ARK2C: variants seen among roughly 807,000 people sequenced by gnomAD.
The protein encoded by ARK2C is arkadia (RNF111) C-terminal like ring finger ubiquitin ligase 2C.
chr18:46,342,109 C>T, the ARK2C span, among the ~76,000 whole-genome samples: 1 of 152,158 alleles, frequency 6.6e-6, no homozygotes. Context: ...CTTATTTCCT[C>T]CTTGGCACAG....
chr18:46,420,845 TA>T, the ARK2C span, among the ~76,000 whole-genome samples: 172 of 145,658 alleles, frequency 1.2e-3, no homozygotes, highest in African/African-American at 2.7e-3. Context: ...GACTCCATCT[TA>T]AAAAAAAAAA....
the ARK2C span, among the ~76,000 whole-genome samples, chr18:46,383,655 T>C: frequency 0.52 from 77,821 of 150,340 alleles, 20,328 homozygotes; most frequent in Admixed American, 0.6. Context: ...CCAGGGTTCA[T>C]GCCATTCTCC....
At chr18:46,421,362 G>A in the ARK2C span, among the ~76,000 whole-genome samples, 2 of 147,220 alleles carry the variant, frequency 1.4e-5, no homozygotes, top group South Asian at 2.1e-4. Context: ...TCACCTGTTC[G>A]TGATCATTCA....
the ARK2C span, among the ~76,000 whole-genome samples, chr18:46,453,366 G>A: frequency 6.6e-6 from 1 of 152,162 alleles, no homozygotes; most frequent in African/African-American, 2.4e-5. Flanking sequence ...CCGGACCAGG[G>A]AGTGTTTACT....
At chr18:46,341,679 G>A in the ARK2C span, among the ~76,000 whole-genome samples, 1 of 152,172 alleles carries the variant, frequency 6.6e-6, no homozygotes, top group Non-Finnish European at 1.5e-5. Context: ...ATACTCACAT[G>A]ACTTGTCCCC....
chr18:46,424,559 C>A, the ARK2C span, among the ~76,000 whole-genome samples: 1 of 152,200 alleles, frequency 6.6e-6, no homozygotes, highest in Non-Finnish European at 1.5e-5. Flanking sequence ...AGCTCTAGGA[C>A]CCTGGCGGCG....
At chr18:46,438,668 A>T in the ARK2C span, among the ~76,000 whole-genome samples, 1 of 152,190 alleles carries the variant, frequency 6.6e-6, no homozygotes. Flanking sequence ...TGAATAAGGC[A>T]CTGTCCTTCT....
chr18:46,446,670 CAAAAAAAAA>C, the ARK2C span, among the ~76,000 whole-genome samples: 1 of 34,396 alleles, frequency 2.9e-5, no homozygotes, highest in African/African-American at 1.2e-4. Context: ...GACTCCATCT[CAAAAAAAAA>C]AAAAAAAAAA....
the ARK2C span, among the ~76,000 whole-genome samples, chr18:46,436,523 G>A: frequency 1.8e-4 from 28 of 152,270 alleles, no homozygotes; most frequent in Non-Finnish European, 4.0e-4. Flanking sequence ...TTGATGTGCC[G>A]TTGTGTCATT....
At chr18:46,456,844 C>T in the ARK2C span, 3 of 545,818 alleles carry the variant, frequency 5.5e-6, no homozygotes, top group Non-Finnish European at 9.9e-6. Flanking sequence ...CGACTGTCCC[C>T]ATCCGCCTGG....
the ARK2C span, among the ~76,000 whole-genome samples, chr18:46,432,971 A>T: frequency 6.0e-5 from 8 of 134,312 alleles, no homozygotes; most frequent in South Asian, 2.2e-4. Flanking sequence ...AATAAATAAA[A>T]AATAAAGATA....
chr18:46,431,920 T>C, the ARK2C span, among the ~76,000 whole-genome samples: 3 of 152,368 alleles, frequency 2.0e-5, no homozygotes, highest in Middle Eastern at 3.4e-3. Flanking sequence ...GTGCTTGGTG[T>C]TCAATTTCTC....
the ARK2C span, among the ~76,000 whole-genome samples, chr18:46,392,765 C>G: frequency 6.6e-6 from 1 of 152,144 alleles, no homozygotes; most frequent in African/African-American, 2.4e-5. Context: ...CGCCAGGTAC[C>G]CAGCCCGGAC....
chr18:46,396,124 GC>G, the ARK2C span, among the ~76,000 whole-genome samples: 1 of 152,198 alleles, frequency 6.6e-6, no homozygotes, highest in African/African-American at 2.4e-5. Flanking sequence ...ACCCTTTGGG[GC>G]TTAGGCTTGG....
chr18:46,411,955 T>C, the ARK2C span, among the ~76,000 whole-genome samples: 1 of 152,214 alleles, frequency 6.6e-6, no homozygotes, highest in Non-Finnish European at 1.5e-5. Context: ...GGGTCGATGA[T>C]GCCAGGCTCC....
the ARK2C span, among the ~76,000 whole-genome samples, chr18:46,399,421 C>A: frequency 1.3e-5 from 2 of 152,218 alleles, no homozygotes; most frequent in African/African-American, 4.8e-5. Context: ...CATGGGGCCT[C>A]CAGGGAATGT....
At chr18:46,369,479 C>A in the ARK2C span, among the ~76,000 whole-genome samples, 5 of 152,204 alleles carry the variant, frequency 3.3e-5, no homozygotes, top group South Asian at 1.0e-3. Flanking sequence ...ATGTTGAAGT[C>A]CTGGTTGTGA....
the ARK2C span, chr18:46,335,756 C>T: frequency 7.3e-4 from 199 of 273,458 alleles, 1 homozygote; most frequent in East Asian, 0.012. Flanking sequence ...CTGTCCCCAG[C>T]CCCGCGCCTC....
chr18:46,360,968 A>C, the ARK2C span, among the ~76,000 whole-genome samples: 1 of 152,228 alleles, frequency 6.6e-6, no homozygotes, highest in African/African-American at 2.4e-5. Flanking sequence ...GTGGACGTCC[A>C]CAGAACACTG....
Sources: gnomAD v4.1 joint callset for allele counts (sites outside exome capture counted in the v4.1 genomes callset) on GRCh38, gnomAD v4.1.1 for gene constraint, MANE v1.5 for transcripts, NCBI Gene and HGNC (gene_info 2026-07-23, HGNC 2026-07-21) for gene names.